NUP214: variants seen among roughly 807,000 people sequenced by gnomAD.
The protein encoded by NUP214 is nucleoporin 214, also known as nuclear pore complex protein Nup214.
Under a neutral mutation model 196.2 loss-of-function variants are expected in NUP214, and 79 were observed. The observed-to-expected ratio is 0.40, with a 90% CI of 0.34 to 0.49. The LOEUF (loss-of-function observed/expected upper bound fraction) is 0.49. NUP214 is among the 20% of genes least tolerant of loss of function. The probability of loss-of-function intolerance (pLI) is 0.58; values close to 1 mark genes in which losing one functional copy is unlikely to be tolerated. For synonymous variants in NUP214, 1,020 were observed against 990.5 expected (o/e 1.03, Z -0.56); for missense variants, 2,468 against 2,539.0 (o/e 0.97, Z 0.60).
intron 5 of NUP214, 54 bp from the exon 6 acceptor site, chr9:131,132,541 TG>T: frequency 6.9e-7 from 1 of 1,449,394 alleles, no homozygotes; most frequent in Non-Finnish European, 9.7e-7. Context: ...ACAGTTTGAT[TG>T]GTTTAGGATT....
chr9:131,127,422 A>G (rs1831396595), intron 1 of NUP214, 102 bp from the exon 2 acceptor site: 6 of 880,950 alleles, frequency 6.8e-6, no homozygotes, highest in Non-Finnish European at 3.6e-6. Context: ...CCTTGGTCTC[A>G]GTAATACATA....
In NUP214 at chr9:131,198,023, T is replaced by TCTCAGCATCAGCAGC. The variant is rs1833841473; in HGVS notation, c.4534_4548dup (p.Ala1512_Ser1516dup). ...CCTGAGAAGCCAGGTGACAGTGAGG[T>TCTCAGCATCAGCAGC]CTCAGCATCAGCAGCCTCACTTCTA... is the stretch of plus-strand genomic sequence containing the variant. On this transcript the variant is annotated inframe_insertion, in exon 29 of 36. Coordinates refer to ENST00000359428, the MANE Select transcript of NUP214 (RefSeq NM_005085.4). 6.2e-7 allele frequency: 1 copy of TCTCAGCATCAGCAGC among 1,613,998 alleles called. No homozygotes were observed.
chr9:131,220,586 A>G (rs1270062001), intron 31 of NUP214, among the ~76,000 whole-genome samples: 1 of 152,228 alleles, frequency 6.6e-6, no homozygotes, highest in East Asian at 1.9e-4. Flanking sequence ...TTGAAGGAAC[A>G]GAGAAGGGCA....
rs1034738170 is a variant in NUP214, at chr9:131,172,501, G to A, written c.2894-1554G>A. On this transcript the variant is annotated intron_variant, in intron 21 of 35. Coordinates refer to ENST00000359428, the MANE Select transcript of NUP214 (RefSeq NM_005085.4). Reference sequence around the variant, plus strand: ...TGTGAAAATTTTCTCCCATTTTGTAGGTTGCCTGTTCACTCTGATGGTAGT... The same window carrying A: ...TGTGAAAATTTTCTCCCATTTTGTAAGTTGCCTGTTCACTCTGATGGTAGT... 2.0e-5 allele frequency among the ~76,000 whole-genome samples: 3 copies of A among 152,116 alleles called. No individual in the cohort carries two copies. The South Asian group carries it at 6.2e-4, about 32-fold the overall frequency.
rs191737255 is a variant in NUP214, at chr9:131,178,510, C to T, written c.3419+100C>T. On this transcript the variant is annotated intron_variant, in intron 24 of 35. Coordinates refer to ENST00000359428, the MANE Select transcript of NUP214 (RefSeq NM_005085.4). ...AGTGCCACTGTCACAGTCTGGTTTT[C>T]CTGCACCGCCTTAGGTTATAAGGGG... 2,156 of 800,052 alleles carry T rather than the reference C, an allele frequency of 2.7e-3. 8 individuals carry two copies. Among genetic ancestry groups the T allele is most frequent in the Non-Finnish European group, 3.6e-3 (1,711 of 481,236 alleles). The allele number at this position is 800,052 out of a possible 1,614,324, so 49.6% of individuals were successfully genotyped here.
Position 131,130,960 on chromosome 9 carries a change from C to T in NUP214, c.663+124C>T, listed in dbSNP as rs192337237. 1.5e-5 allele frequency: 11 copies of T among 710,398 alleles called. No homozygotes were observed. The East Asian group carries it at 2.4e-4, about 16-fold the overall frequency. The allele number at this position is 710,398 out of a possible 1,614,324, so 44.0% of individuals were successfully genotyped here. On this transcript the variant is annotated intron_variant, in intron 5 of 35. Transcript: ENST00000359428. ...TTTATACTCATTGTAACAAATCCAT[C>T]AGTGAATGAAGAGTGGAACTCTTCC... is the stretch of plus-strand genomic sequence containing the variant.
rs1554733125 is a variant in NUP214, at chr9:131,174,451, T to TTC, written c.3157+134_3157+135insCT. 8.3e-5 allele frequency: 46 copies of TTC among 554,234 alleles called. 1 individual carries two copies. The highest frequency in any genetic ancestry group is 6.3e-4 in the East Asian group (15 of 23,948). 34.3% of individuals were successfully genotyped at this position (554,234 alleles called of 1,614,324 possible). On this transcript the variant is annotated intron_variant, in intron 22 of 35. Coordinates refer to ENST00000359428, the MANE Select transcript of NUP214 (RefSeq NM_005085.4). ...AGCCCACTTTTTTTTTTTTTTCTTT[T>TTC]TTTCTTTTTTTTTTTGAGGTGGAGT...
Position 131,228,149 on chromosome 9 carries a change from GT to G in NUP214, c.5903-7del. ...TCCCTATTTCTGTTTGTTTGCCTCT[GT>G]TTTGCTCAGGTGGCTTCGGTGCTGC... On this transcript the variant is annotated splice_polypyrimidine_tract_variant and intron_variant, in intron 32 of 35. Coordinates refer to ENST00000359428, the MANE Select transcript of NUP214 (RefSeq NM_005085.4). 1 of 1,561,914 alleles carries G rather than the reference GT, an allele frequency of 6.4e-7. No homozygotes were observed. Among genetic ancestry groups the G allele is most frequent in the Admixed American group, 2.1e-5 (1 of 48,542 alleles).
Position 131,132,606 on chromosome 9 carries a change from A to G in NUP214, c.674A>G (p.Glu225Gly), listed in dbSNP as rs1252972130. The G allele has an allele frequency of 2.5e-6, 4 of 1,610,144 alleles. No homozygotes were observed. Among genetic ancestry groups the G allele is most frequent in the African/African-American group, 2.7e-5 (2 of 74,828 alleles). ...TVVQYLPTLQ[E>G]KKVIPCPPFY... ...CCAAATCTCTTTCAGACTTTGCAGG[A>G]AAAAAAAGTCATTCCTTGTCCTCCG... Residue 225 changes from glutamate (E) to glycine (G), a missense_variant, in exon 6 of 36, where the codon GAA becomes GGA. Physicochemically the swap from Glu to Gly is moderately conservative, Grantham distance 98. This residue lies in a region of NUP214 where 392 missense variants were observed against 417.9 expected (regional missense o/e 0.94). Transcript: ENST00000359428.
intron 24 of NUP214, among the ~76,000 whole-genome samples, chr9:131,182,568 A>G (rs947336410): frequency 6.6e-6 from 1 of 152,232 alleles, no homozygotes; most frequent in Non-Finnish European, 1.5e-5. Context: ...TCTGTGGAAA[A>G]AATTGTCTTT....
At chr9:131,203,948 C>G (rs1278904726) in intron 30 of NUP214, among the ~76,000 whole-genome samples, 1 of 152,210 alleles carries the variant, frequency 6.6e-6, no homozygotes, top group African/African-American at 2.4e-5. Flanking sequence ...AGAGACCCTT[C>G]AGCTGGGACT....
At chr9:131,192,052 C>T (rs1454564168) in intron 26 of NUP214, 156 bp from the exon 27 acceptor site, 3 of 492,758 alleles carry the variant, frequency 6.1e-6, no homozygotes, top group Non-Finnish European at 1.1e-5. Flanking sequence ...GCAACGTGCT[C>T]ACTCCCCATG....
intron 8 of NUP214, 176 bp downstream of exon 8, chr9:131,135,180 C>G: frequency 1.9e-6 from 1 of 533,706 alleles, no homozygotes; most frequent in South Asian, 2.8e-5. Flanking sequence ...GCCTGGAACT[C>G]CCAGGCTCAA....
intron 11 of NUP214, chr9:131,141,588 G>A (rs757699995): frequency 1.3e-5 from 2 of 150,690 alleles, no homozygotes; most frequent in Non-Finnish European, 2.9e-5. Context: ...GGCTCAGGCA[G>A]TCACCTAAGC....
Position 131,215,314 on chromosome 9 carries a change from A to C in NUP214, c.5695A>C (p.Asn1899His). Residue 1899 changes from asparagine (N) to histidine (H), a missense_variant, in exon 31 of 36, where the codon AAC (asparagine) becomes CAC (histidine). By Grantham distance (68) the Asn-to-His change is moderately conservative (BLOSUM62 1). Coordinates refer to ENST00000359428, the MANE Select transcript of NUP214 (RefSeq NM_005085.4). ...AGGAAAACCCAGTCAGGATGCAGCC[A>C]ACAAAAACCCATTCAGCTCGGCCAG... is the stretch of plus-strand genomic sequence containing the variant. ...LGGKPSQDAA[N>H]KNPFSSASGG... The C allele has an allele frequency of 6.2e-7, 1 of 1,609,168 alleles. No individual in the cohort carries two copies. The highest frequency in any genetic ancestry group is 8.5e-7 in the Non-Finnish European group (1 of 1,177,696).
intron 32 of NUP214, among the ~76,000 whole-genome samples, chr9:131,223,727 A>ATTTATTTATTTATTTTTTT: frequency 1.3e-4 from 2 of 15,660 alleles, no homozygotes; most frequent in African/African-American, 1.5e-4. Context: ...TTATTTATTT[A>ATTTATTTATTTATTTTTTT]TTTTTTTTTT....
At chr9:131,162,280 A>G (rs1017447675) in intron 18 of NUP214, among the ~76,000 whole-genome samples, 1 of 152,244 alleles carries the variant, frequency 6.6e-6, no homozygotes, top group Admixed American at 6.5e-5. Context: ...TTGACATACC[A>G]TAGCAAAGAA....
chr9:131,135,913 T>A (rs760419132), intron 8 of NUP214, 27 bp from the exon 9 acceptor site: 3 of 1,602,836 alleles, frequency 1.9e-6, no homozygotes, highest in Non-Finnish European at 2.6e-6. Flanking sequence ...TATTTGAACG[T>A]AATGGTCTCT....
At chr9:131,167,945 T>C (rs1832834617) in intron 21 of NUP214, among the ~76,000 whole-genome samples, 1 of 152,210 alleles carries the variant, frequency 6.6e-6, no homozygotes, top group Non-Finnish European at 1.5e-5. Context: ...AGTGTAGTGG[T>C]GCAGTCATAG....
Sources: gnomAD v4.1 joint callset for allele counts (sites outside exome capture counted in the v4.1 genomes callset) on GRCh38, gnomAD v4.1.1 for gene constraint, gnomAD v4.1.1 regional missense constraint, MANE v1.5 for transcripts, NCBI Gene and HGNC (gene_info 2026-07-23, HGNC 2026-07-21) for gene names.